Variants in INPP5A observed in about 807,000 individuals in gnomAD.
The protein encoded by INPP5A is inositol polyphosphate-5-phosphatase A, also known as 43 kDa inositol polyphosphate 5-phophatase.
In INPP5A, 14 loss-of-function variants were observed where a neutral mutation model predicts 65.2. The ratio of observed to expected loss-of-function variants is 0.21; its 90% CI spans 0.14 to 0.34. The LOEUF (loss-of-function observed/expected upper bound fraction) is 0.34, where lower values mean the gene tolerates loss of function less well. Among genes scored for constraint, INPP5A ranks in the 10% least tolerant of loss-of-function variants. The probability of loss-of-function intolerance (pLI) is 1.00; values close to 1 mark genes in which losing one functional copy is unlikely to be tolerated. For missense variants in INPP5A, 431 were observed against 545.6 expected, an observed-to-expected ratio of 0.79 and a Z score of 2.09; for synonymous variants, 207 against 208.3, an observed-to-expected ratio of 0.99 and a Z score of 0.05.
intron 2 of INPP5A, among the ~76,000 whole-genome samples, chr10:132,612,429 T>C (rs532981780): frequency 2.1e-5 from 3 of 142,054 alleles, no homozygotes; most frequent in African/African-American, 8.2e-5. Context: ...TTGTGGGGTT[T>C]GGGGAGGCTG....
chr10:132,703,634 G>A (rs1201435972), intron 6 of INPP5A, among the ~76,000 whole-genome samples: 5 of 71,624 alleles, frequency 7.0e-5, no homozygotes, highest in African/African-American at 3.0e-4. Context: ...CCCAACACAC[G>A]CGCACCTTCA....
intron 9 of INPP5A, among the ~76,000 whole-genome samples, chr10:132,739,375 T>G (rs1351386857): frequency 2.6e-5 from 4 of 152,176 alleles, no homozygotes; most frequent in Non-Finnish European, 5.9e-5. Context: ...GCCCAGCCCC[T>G]GGAGAAGCCT....
At chr10:132,679,194 A>G (rs2073010000) in intron 4 of INPP5A, among the ~76,000 whole-genome samples, 1 of 152,172 alleles carries the variant, frequency 6.6e-6, no homozygotes, top group Non-Finnish European at 1.5e-5. Context: ...GGAAGGCTAG[A>G]GATGGACAGG....
intron 1 of INPP5A, among the ~76,000 whole-genome samples, chr10:132,562,438 G>A (rs1354349750): frequency 1.3e-5 from 2 of 152,264 alleles, no homozygotes; most frequent in African/African-American, 2.4e-5. Flanking sequence ...CCCCCATGAG[G>A]TGCGTAGAGT....
chr10:132,628,993 T>G (rs1401091682), intron 2 of INPP5A, among the ~76,000 whole-genome samples: 2 of 152,234 alleles, frequency 1.3e-5, no homozygotes, highest in South Asian at 4.1e-4. Flanking sequence ...TGTGTGGCCT[T>G]CAGAACCGGG....
At chr10:132,733,079 C>T (rs571874875) in intron 9 of INPP5A, among the ~76,000 whole-genome samples, 81 of 152,318 alleles carry the variant, frequency 5.3e-4, no homozygotes, top group African/African-American at 1.9e-3. Flanking sequence ...CCACAGGTGG[C>T]CCAGATGGCC....
intron 2 of INPP5A, among the ~76,000 whole-genome samples, 160 bp from the exon 3 acceptor site, chr10:132,645,708 A>G (rs2072484430): frequency 6.6e-6 from 1 of 152,024 alleles, no homozygotes; most frequent in Admixed American, 6.6e-5. Flanking sequence ...AGGCGACGTG[A>G]CTCCTAGAAT....
chr10:132,759,487 C>T (rs1846691438), intron 11 of INPP5A, among the ~76,000 whole-genome samples: 1 of 152,226 alleles, frequency 6.6e-6, no homozygotes, highest in Non-Finnish European at 1.5e-5. Context: ...CCAGAACCTG[C>T]ACCAACAGGC....
chr10:132,713,813 G>C (rs1388715236), intron 8 of INPP5A, among the ~76,000 whole-genome samples: 2 of 152,186 alleles, frequency 1.3e-5, no homozygotes, highest in African/African-American at 4.8e-5. Context: ...ATCGGTCTGA[G>C]CCTGGGGACT....
chr10:132,649,607 A>G (rs550674919), intron 3 of INPP5A, among the ~76,000 whole-genome samples: 28 of 152,054 alleles, frequency 1.8e-4, no homozygotes, highest in African/African-American at 5.6e-4. Context: ...ATTTTCTTCA[A>G]TGTGGACCCC....
At chr10:132,680,302 G>A (rs889319390) in intron 4 of INPP5A, among the ~76,000 whole-genome samples, 1 of 152,200 alleles carries the variant, frequency 6.6e-6, no homozygotes, top group African/African-American at 2.4e-5. Context: ...TTGAATAGGC[G>A]TCTTCCCTCC....
At chr10:132,761,880 G>A (rs1056243016) in intron 11 of INPP5A, among the ~76,000 whole-genome samples, 19 of 152,056 alleles carry the variant, frequency 1.2e-4, no homozygotes, top group African/African-American at 4.3e-4. Flanking sequence ...TCGAATAATT[G>A]ATACAAATTA....
At chr10:132,576,166 C>T (rs1590841638) in intron 1 of INPP5A, among the ~76,000 whole-genome samples, 1 of 152,294 alleles carries the variant, frequency 6.6e-6, no homozygotes, top group African/African-American at 2.4e-5. Flanking sequence ...CAGGTTGAGG[C>T]CAGGTGAGGG....
At chr10:132,578,903 C>T (rs1262934217) in intron 1 of INPP5A, among the ~76,000 whole-genome samples, 3 of 152,160 alleles carry the variant, frequency 2.0e-5, no homozygotes, top group South Asian at 4.1e-4. Context: ...TGCAGAGGTG[C>T]TCAGTCCGCC....
intron 3 of INPP5A, among the ~76,000 whole-genome samples, chr10:132,648,588 TTTTG>T (rs1234838227): frequency 1.3e-5 from 2 of 152,256 alleles, no homozygotes; most frequent in Admixed American, 6.5e-5. Flanking sequence ...TTTTCTCAGC[TTTTG>T]TTTATCTGAA....
intron 4 of INPP5A, among the ~76,000 whole-genome samples, chr10:132,679,420 C>T (rs1243932391): frequency 6.6e-6 from 1 of 152,080 alleles, no homozygotes; most frequent in East Asian, 1.9e-4. Flanking sequence ...CTTTAGGAGG[C>T]TCCATGCTGT....
intron 1 of INPP5A, among the ~76,000 whole-genome samples, chr10:132,557,351 C>G (rs1367916389): frequency 2.0e-5 from 3 of 152,262 alleles, no homozygotes; most frequent in Non-Finnish European, 4.4e-5. Flanking sequence ...CAGCAGTGCC[C>G]TCCTGCAGCA....
intron 11 of INPP5A, among the ~76,000 whole-genome samples, chr10:132,756,027 C>T (rs1240466192): frequency 1.3e-5 from 2 of 152,226 alleles, no homozygotes; most frequent in African/African-American, 4.8e-5. Context: ...CCCAGGGAGG[C>T]ATCCCCAGAG....
chr10:132,743,425 C>T (rs898112634), intron 9 of INPP5A, among the ~76,000 whole-genome samples: 1 of 150,184 alleles, frequency 6.7e-6, no homozygotes, highest in African/African-American at 2.4e-5. Context: ...GCGAGCCCAC[C>T]CACCAGCGCT....
Sources: gnomAD v4.1 joint callset for allele counts (sites outside exome capture counted in the v4.1 genomes callset) on GRCh38, gnomAD v4.1.1 for gene constraint, MANE v1.5 for transcripts, NCBI Gene and HGNC (gene_info 2026-07-23, HGNC 2026-07-21) for gene names.